AGGF1: variants seen among roughly 807,000 people sequenced by gnomAD.
The protein encoded by AGGF1 is angiogenic factor with G-patch and FHA domains 1, also known as angiogenic factor with G patch and FHA domains 1.
A neutral mutation model predicts 86.5 loss-of-function variants in AGGF1; 56 were observed. The observed-to-expected ratio is 0.65, with a 90% CI of 0.52 to 0.81. AGGF1 has a LOEUF of 0.81. Among genes scored for constraint, AGGF1 ranks in the 30% least tolerant of loss-of-function variants. The pLI, the probability that AGGF1 is intolerant of heterozygous loss-of-function variation, is 0.00. For missense variants in AGGF1, 816 were observed against 850.9 expected (o/e 0.96, Z 0.51); for synonymous variants, 313 against 297.1 (o/e 1.05, Z -0.55).
chr5:77,057,158 T>C (rs1426216400), intron 11 of AGGF1, among the ~76,000 whole-genome samples: 1 of 152,190 alleles, frequency 6.6e-6, no homozygotes, highest in Non-Finnish European at 1.5e-5. Context: ...ACACTGCTGG[T>C]GGGAATGTAA....
At chr5:77,046,794 A>G in intron 6 of AGGF1, 117 bp downstream of exon 6, 1 of 1,032,016 alleles carries the variant, frequency 9.7e-7, no homozygotes, top group Admixed American at 2.0e-5. Flanking sequence ...CATTATTTTA[A>G]TGATGTTATT....
intron 10 of AGGF1, among the ~76,000 whole-genome samples, chr5:77,054,687 T>C (rs1330089604): frequency 6.6e-6 from 1 of 152,186 alleles, no homozygotes; most frequent in African/African-American, 2.4e-5. Flanking sequence ...AATCATGTTG[T>C]ATACCATATA....
intron 5 of AGGF1, among the ~76,000 whole-genome samples, chr5:77,041,791 TTATTTATTTA>T (rs1561285620): frequency 3.4e-5 from 4 of 118,026 alleles, no homozygotes; most frequent in African/African-American, 9.7e-5. Flanking sequence ...CTTTTTTTAT[TTATTTATTTA>T]TTTATTTATT....
intron 5 of AGGF1, among the ~76,000 whole-genome samples, chr5:77,044,472 G>C (rs1747208106): frequency 6.6e-6 from 1 of 152,166 alleles, no homozygotes; most frequent in African/African-American, 2.4e-5. Flanking sequence ...CAGTAGGGGA[G>C]ATAGGAGTAA....
intron 8 of AGGF1, among the ~76,000 whole-genome samples, chr5:77,050,306 C>CTTTTTTTTTTTTTTTTT (rs10595061): frequency 1.3e-5 from 1 of 76,562 alleles, no homozygotes. Context: ...TTCTTTGTTT[C>CTTTTTTTTTTTTTTTTT]TTTTTTTTTT....
Position 77,043,796 on chromosome 5 carries a change from G to A in AGGF1, c.871-2551G>A, listed in dbSNP as rs1407912438. Among the ~76,000 whole-genome samples the A allele has an allele frequency of 2.3e-3, 273 of 117,814 alleles. 2 individuals carry two copies. Among genetic ancestry groups the A allele is most frequent in the African/African-American group, 7.2e-3 (239 of 33,096 alleles). The allele number at this position is 117,814 out of a possible 152,430, so 77.3% of individuals were successfully genotyped here. A position where few individuals can be genotyped will look rare whatever the true frequency, so the allele number is the denominator to read the frequency against. ...TCACTTCTCAGAGTGGGCAGCTGCC[G>A]GGCGGAGGGGCTCCTCACTTCTCAG... On this transcript the variant is annotated intron_variant, in intron 5 of 13. Coordinates refer to ENST00000312916, the MANE Select transcript of AGGF1 (RefSeq NM_018046.5).
intron 11 of AGGF1, among the ~76,000 whole-genome samples, chr5:77,056,133 A>G (rs1042700993): frequency 2.0e-5 from 3 of 152,220 alleles, no homozygotes; most frequent in African/African-American, 7.2e-5. Context: ...AATGGATGGA[A>G]CAAAATAATA....
At chr5:77,059,588 C>A in intron 11 of AGGF1, 28 bp from the exon 12 acceptor site, 5 of 1,583,806 alleles carry the variant, frequency 3.2e-6, no homozygotes, top group South Asian at 1.1e-5. Flanking sequence ...GCTTTCTTTT[C>A]CTGAATGAAT....
chr5:77,048,849 A>G (rs1747320243), intron 7 of AGGF1, 87 bp from the exon 8 acceptor site: 1 of 1,249,242 alleles, frequency 8.0e-7, no homozygotes, highest in East Asian at 2.3e-5. Flanking sequence ...GTGTATTTTA[A>G]CATTATCTGT....
chr5:77,030,992 C>G lies in AGGF1; in HGVS notation c.210+16C>G, dbSNP rs764566058. The G allele has an allele frequency of 2.5e-6, 4 of 1,610,816 alleles. No individual in the cohort carries two copies. The South Asian group carries it at 4.4e-5, about 18-fold the overall frequency. On this transcript the variant is annotated intron_variant, in intron 1 of 13. Coordinates refer to ENST00000312916, the MANE Select transcript of AGGF1 (RefSeq NM_018046.5). ...CCGCACGCAGGTGCGCGGTCCTCCT[C>G]AGCCCCGCGCCCCATCCAGCCCAGG... is the stretch of plus-strand genomic sequence containing the variant.
intron 11 of AGGF1, 45 bp downstream of exon 11, chr5:77,055,641 G>C (rs763856784): frequency 1.5e-6 from 2 of 1,371,876 alleles, no homozygotes; most frequent in Non-Finnish European, 2.1e-6. Flanking sequence ...TGTATATCTG[G>C]TTTTGAGTAA....
At chr5:77,042,588 C>A (rs1396068644) in intron 5 of AGGF1, among the ~76,000 whole-genome samples, 3 of 56,326 alleles carry the variant, frequency 5.3e-5, no homozygotes, top group Admixed American at 1.7e-4. Flanking sequence ...GGGGGCTGAC[C>A]CCCCCCCACC....
chr5:77,031,952 T>TGGCA (rs1196439915), intron 1 of AGGF1, among the ~76,000 whole-genome samples: 1 of 152,094 alleles, frequency 6.6e-6, no homozygotes, highest in South Asian at 2.1e-4. Context: ...TCTACCTTGT[T>TGGCA]GGCAGGCCCT....
chr5:77,046,514 T>G lies in AGGF1; in HGVS notation c.1038T>G (p.Leu346=). ...PTSGNTIESP[L]HENISNSTSF... Reference sequence around the variant, plus strand: ...GTGGAAATACTATAGAGTCTCCTCTTCATGAAAACATCTCTAATTCAACAT... The same window carrying G: ...GTGGAAATACTATAGAGTCTCCTCTGCATGAAAACATCTCTAATTCAACAT... The change falls in exon 6 of 14, where the codon CTT becomes CTG. Residue 346 remains leucine, a synonymous_variant. Coordinates refer to ENST00000312916, the MANE Select transcript of AGGF1 (RefSeq NM_018046.5). 3.7e-6 allele frequency: 6 copies of G among 1,614,048 alleles called. No homozygotes were observed. Among genetic ancestry groups the G allele is most frequent in the Non-Finnish European group, 5.1e-6 (6 of 1,179,974 alleles).
chr5:77,062,950 A>G (rs540831103), intron 13 of AGGF1, 102 bp from the exon 14 acceptor site: 20 of 1,234,648 alleles, frequency 1.6e-5, no homozygotes, highest in South Asian at 1.5e-4. Context: ...TTTTGCATCA[A>G]TCTTTAATAA....
Position 77,039,525 on chromosome 5 carries a change from T to TGAA in AGGF1, c.682-6_682-5insGAA. ...ATAGAATTTATTTTTTTCTTGACTT[T>TGAA]CAAAGGAAAATCAACTCTATTATGA... On this transcript the variant is annotated splice_polypyrimidine_tract_variant and splice_region_variant and intron_variant, in intron 4 of 13. Transcript: ENST00000312916. 1 of 1,592,396 alleles carries TGAA rather than the reference T, an allele frequency of 6.3e-7. No homozygotes were observed. Among genetic ancestry groups the TGAA allele is most frequent in the Non-Finnish European group, 8.6e-7 (1 of 1,166,362 alleles).
At position 77,046,701 on chromosome 5, in the gene AGGF1, G is replaced by A. The variant is rs761720790; in HGVS notation, c.1201+24G>A. 9.4e-6 allele frequency: 15 copies of A among 1,594,510 alleles called. No individual in the cohort carries two copies. The African/African-American group carries it at 1.9e-4, about 20-fold the overall frequency. On this transcript the variant is annotated intron_variant, in intron 6 of 13. Coordinates refer to ENST00000312916, the MANE Select transcript of AGGF1 (RefSeq NM_018046.5). ...AGGTGAGTAAATAATCATTATTTAA[G>A]TAAATAGCCCAGTCTGGTAACTATA...
chr5:77,049,449 AC>A (rs1747330210), intron 8 of AGGF1, among the ~76,000 whole-genome samples: 1 of 152,196 alleles, frequency 6.6e-6, no homozygotes, highest in Non-Finnish European at 1.5e-5. Context: ...AGGAAAAAGA[AC>A]AATTGAGTTT....
intron 1 of AGGF1, among the ~76,000 whole-genome samples, 184 bp from the exon 2 acceptor site, chr5:77,034,230 AAGAG>A (rs1375750265): frequency 6.6e-6 from 1 of 152,248 alleles, no homozygotes; most frequent in Non-Finnish European, 1.5e-5. Context: ...GACATTTAGT[AAGAG>A]AGATTAGGAA....
Sources: allele counts gnomAD v4.1 joint callset (sites outside exome capture counted in the v4.1 genomes callset), GRCh38; gene constraint gnomAD v4.1.1; transcripts MANE v1.5; gene names NCBI Gene and HGNC (gene_info 2026-07-23, HGNC 2026-07-21).